Variants in FLI1 observed in about 807,000 individuals in gnomAD.
The protein encoded by FLI1 is Fli-1 proto-oncogene, ETS transcription factor.
In FLI1, 13 loss-of-function variants were observed where a neutral mutation model predicts 53.1. That is an observed-to-expected ratio of 0.24 (90% CI 0.16 to 0.39). The LOEUF (loss-of-function observed/expected upper bound fraction) is 0.39, where lower values mean the gene tolerates loss of function less well. FLI1 is among the 10% of genes least tolerant of loss of function. The pLI is 1.00. For missense variants in FLI1, 424 were observed against 600.5 expected (o/e 0.71, Z 3.07); for synonymous variants, 244 against 236.7 (o/e 1.03, Z -0.28).
intron 4 of FLI1, among the ~76,000 whole-genome samples, chr11:128,773,560 A>G (rs1048860456): frequency 6.6e-6 from 1 of 151,086 alleles, no homozygotes; most frequent in African/African-American, 2.4e-5. Context: ...AGCCAAGAAA[A>G]GGAAAAGAGC....
At chr11:128,762,106 C>G (rs930072955) in intron 2 of FLI1, among the ~76,000 whole-genome samples, 1 of 152,118 alleles carries the variant, frequency 6.6e-6, no homozygotes, top group Non-Finnish European at 1.5e-5. Flanking sequence ...TACAGTGGAA[C>G]CATGTCAGAC....
intron 1 of FLI1, among the ~76,000 whole-genome samples, chr11:128,730,633 A>C (rs1174308917): frequency 6.6e-6 from 1 of 151,802 alleles, no homozygotes; most frequent in African/African-American, 2.4e-5. Context: ...CCTGACACCC[A>C]CTCCTTTTGT....
chr11:128,792,138 A>G (rs1229503659), intron 5 of FLI1, among the ~76,000 whole-genome samples: 1 of 152,212 alleles, frequency 6.6e-6, no homozygotes, highest in Non-Finnish European at 1.5e-5. Flanking sequence ...CCTGAATCAC[A>G]GGTATGATGT....
chr11:128,731,238 C>T (rs1384397811), intron 1 of FLI1, among the ~76,000 whole-genome samples: 2 of 152,230 alleles, frequency 1.3e-5, no homozygotes, highest in Non-Finnish European at 2.9e-5. Context: ...TCCTGTGCTG[C>T]TTATGACCTG....
At chr11:128,694,417 C>A in intron 1 of FLI1, 141 bp downstream of exon 1, 2 of 665,552 alleles carry the variant, frequency 3.0e-6, no homozygotes, top group Non-Finnish European at 4.4e-6. Flanking sequence ...CCGGCTCCTC[C>A]GGCGCTCGGG....
chr11:128,765,205 T>C (rs1372793262), intron 2 of FLI1, among the ~76,000 whole-genome samples: 1 of 152,196 alleles, frequency 6.6e-6, no homozygotes, highest in Admixed American at 6.5e-5. Context: ...TAGGTGCCCA[T>C]GGCTCCTCTC....
At chr11:128,797,621 G>T (rs1357536460) in intron 5 of FLI1, among the ~76,000 whole-genome samples, 1 of 152,208 alleles carries the variant, frequency 6.6e-6, no homozygotes, top group Non-Finnish European at 1.5e-5. Context: ...CACAGAGGAA[G>T]GACGTTTGTC....
chr11:128,784,220 T>TCTCCTC (rs61050928), intron 5 of FLI1, among the ~76,000 whole-genome samples: 357 of 117,750 alleles, frequency 3.0e-3, no homozygotes, highest in Middle Eastern at 4.6e-3. Context: ...TTGCTAACCA[T>TCTCCTC]CTCCTCCTCC....
chr11:128,742,850 AT>A (rs1330212926), intron 1 of FLI1, among the ~76,000 whole-genome samples: 2 of 152,210 alleles, frequency 1.3e-5, no homozygotes, highest in Non-Finnish European at 2.9e-5. Context: ...TCGTCAGCAC[AT>A]TTTACAGGCC....
At position 128,694,155 on chromosome 11, in the gene FLI1, G is replaced by A; in HGVS notation, c.-104G>A. 7.6e-7 allele frequency: 1 copy of A among 1,317,096 alleles called. No homozygotes were observed. The highest frequency in any genetic ancestry group is 1.0e-6 in the Non-Finnish European group (1 of 983,932). 81.6% of individuals were successfully genotyped at this position (1,317,096 alleles called of 1,614,324 possible). ...AGGGGGCACGCAGGGAGGGCCCAGGGCGCCAGGGAGGCCGCGCCGGGCTAA... is the reference window on the plus strand; with the variant it reads ...AGGGGGCACGCAGGGAGGGCCCAGGACGCCAGGGAGGCCGCGCCGGGCTAA... On this transcript the variant is annotated 5_prime_UTR_variant, in exon 1 of 9. Transcript: ENST00000527786.
intron 4 of FLI1, among the ~76,000 whole-genome samples, chr11:128,776,847 A>G (rs77828807): frequency 6.6e-6 from 1 of 151,964 alleles, no homozygotes; most frequent in African/African-American, 2.4e-5. Context: ...GGCCCTGGAG[A>G]CAGCAAGCCA....
chr11:128,807,405 T>A (rs1192564275), intron 7 of FLI1, among the ~76,000 whole-genome samples, 166 bp downstream of exon 7: 1 of 152,190 alleles, frequency 6.6e-6, no homozygotes, highest in Non-Finnish European at 1.5e-5. Context: ...AAGTAACAGG[T>A]ACTGACATCA....
intron 4 of FLI1, among the ~76,000 whole-genome samples, chr11:128,774,910 G>A (rs1271490884): frequency 2.1e-5 from 3 of 141,390 alleles, no homozygotes; most frequent in Non-Finnish European, 4.7e-5. Context: ...CCTTCTATTG[G>A]AGAAGAGCAG....
At position 128,809,219 on chromosome 11, in the gene FLI1, G is replaced by A; in HGVS notation, c.829+15G>A. On this transcript the variant is annotated intron_variant, in intron 8 of 8. Coordinates refer to ENST00000527786, the MANE Select transcript of FLI1 (RefSeq NM_002017.5). ...AGCCAACCCTGGTGAGTTTACCTTG[G>A]CCTGCAAGCCTTTTTTGCCAGAATG... is the stretch of plus-strand genomic sequence containing the variant. The A allele has an allele frequency of 6.2e-7, 1 of 1,612,522 alleles. No individual in the cohort carries two copies. The highest frequency in any genetic ancestry group is 8.5e-7 in the Non-Finnish European group (1 of 1,178,530).
chr11:128,795,810 A>C (rs992002067), intron 5 of FLI1, among the ~76,000 whole-genome samples: 2 of 152,204 alleles, frequency 1.3e-5, no homozygotes, highest in Admixed American at 1.3e-4. Context: ...TCTGCCTCCC[A>C]AAGTGCTGGG....
intron 1 of FLI1, among the ~76,000 whole-genome samples, chr11:128,714,260 T>G (rs1014684410): frequency 6.7e-6 from 1 of 149,248 alleles, no homozygotes; most frequent in African/African-American, 2.5e-5. Context: ...CTCTGGAAGA[T>G]GCGCTGGCTG....
intron 1 of FLI1, among the ~76,000 whole-genome samples, chr11:128,714,149 G>T (rs2135723672): frequency 7.6e-6 from 1 of 131,516 alleles, no homozygotes; most frequent in African/African-American, 2.8e-5. Flanking sequence ...TCCACCTTTA[G>T]AAATCTCAGC....
intron 1 of FLI1, among the ~76,000 whole-genome samples, chr11:128,753,592 T>C (rs1175918153): frequency 6.6e-6 from 1 of 152,250 alleles, no homozygotes; most frequent in African/African-American, 2.4e-5. Flanking sequence ...TGTAAAGAGC[T>C]TGAAGTACAA....
intron 5 of FLI1, among the ~76,000 whole-genome samples, chr11:128,783,003 G>A (rs2284785): frequency 0.19 from 28,288 of 152,054 alleles, 4,127 homozygotes; most frequent in African/African-American, 0.41. Context: ...ATATTTGCGC[G>A]GCATAGCAAA....
Sources: gnomAD v4.1 joint callset for allele counts (sites outside exome capture counted in the v4.1 genomes callset) on GRCh38, gnomAD v4.1.1 for gene constraint, MANE v1.5 for transcripts, NCBI Gene and HGNC (gene_info 2026-07-23, HGNC 2026-07-21) for gene names.